Variants in TGFB1 observed in about 807,000 individuals in gnomAD.
TGFB1 encodes the protein transforming growth factor beta 1.
Under a neutral mutation model 43.8 loss-of-function variants are expected in TGFB1, and 19 were observed. The observed-to-expected ratio is 0.43, with a 90% confidence interval of 0.30 to 0.64. The LOEUF (loss-of-function observed/expected upper bound fraction) is 0.64. Ranked by LOEUF, TGFB1 falls within the 30% of genes least tolerant of loss-of-function variation. The pLI is 0.11. For synonymous variants in TGFB1, 221 were observed against 236.3 expected, an observed-to-expected ratio of 0.94 and a Z score of 0.60; for missense variants, 445 against 529.8, an observed-to-expected ratio of 0.84 and a Z score of 1.57.
At chr19:41,351,027 A>G (rs2038185248) in intron 1 of TGFB1, 1 of 152,502 alleles carries the variant, frequency 6.6e-6, no homozygotes, top group South Asian at 2.1e-4. Context: ...ATAGTCGGAG[A>G]GACAAAAACC....
intron 1 of TGFB1, chr19:41,351,301 A>C (rs2038190028): frequency 6.6e-6 from 1 of 152,282 alleles, no homozygotes; most frequent in African/African-American, 2.4e-5. Flanking sequence ...ACCGCCCAAG[A>C]GTCAGTGAAA....
chr19:41,341,248 C>T lies in TGFB1; in HGVS notation c.860+635G>A, dbSNP rs948474190. 8.6e-5 allele frequency among the ~76,000 whole-genome samples: 13 copies of T among 151,826 alleles called. No individual in the cohort carries two copies. The East Asian group carries it at 1.2e-3, about 14-fold the overall frequency. ...TTGGGAGGCTGAGGTGGGTGTATCA[C>T]GAGGTCAGGAGATGGAGACCATCCT... On this transcript the variant is annotated intron_variant, in intron 5 of 6. Coordinates refer to ENST00000221930, the MANE Select transcript of TGFB1 (RefSeq NM_000660.7).
intron 1 of TGFB1, among the ~76,000 whole-genome samples, chr19:41,352,350 C>T (rs1265649691): frequency 6.9e-6 from 1 of 145,754 alleles, no homozygotes; most frequent in Non-Finnish European, 1.5e-5. Context: ...ACGACCCCCC[C>T]CCCCATTCAA....
intron 1 of TGFB1, among the ~76,000 whole-genome samples, chr19:41,349,559 C>A (rs2038158226): frequency 6.6e-6 from 1 of 152,188 alleles, no homozygotes; most frequent in Non-Finnish European, 1.5e-5. Context: ...GAGTTCGAGA[C>A]CAGCCTGGCC....
At chr19:41,343,401 T>G (rs530353533) in intron 3 of TGFB1, among the ~76,000 whole-genome samples, 2 of 152,326 alleles carry the variant, frequency 1.3e-5, no homozygotes, top group East Asian at 3.9e-4. Context: ...CTCAAAGTGC[T>G]GGGATTACAG....
chr19:41,344,593 A>G (rs1392889259), intron 3 of TGFB1, among the ~76,000 whole-genome samples, 154 bp downstream of exon 3: 2 of 152,156 alleles, frequency 1.3e-5, no homozygotes, highest in Admixed American at 1.3e-4. Flanking sequence ...AGATTAGCCA[A>G]TCACTCAGGT....
rs2038142134 is a variant in TGFB1, at chr19:41,348,404, T to C, written c.407A>G (p.Asn136Ser). 5.6e-6 allele frequency: 9 copies of C among 1,613,330 alleles called. No homozygotes were observed. Among genetic ancestry groups the C allele is most frequent in the African/African-American group, 1.3e-5 (1 of 74,942 alleles). ...QSTHSIYMFF[N>S]TSELREAVPE... is the part of the protein sequence containing the mutation. ...TACCGCTTCTCGGAGCTCTGATGTG[T>C]TGAAGAACATATATATGCTGTGTGT... The change falls in exon 2 of 7, where the codon AAC becomes AGC. Residue 136 changes from asparagine (N) to serine (S), a missense_variant. Asn to Ser is a conservative substitution (Grantham distance 46). This residue lies in a region of TGFB1 where 366 missense variants were observed against 428.8 expected (regional missense o/e 0.85). Coordinates refer to ENST00000221930, the MANE Select transcript of TGFB1 (RefSeq NM_000660.7).
rs1035918572 is a variant in TGFB1, at chr19:41,340,349, G to A, written c.860+1534C>T. Among the ~76,000 whole-genome samples the A allele has an allele frequency of 5.4e-5, 8 of 147,872 alleles. No homozygotes were observed. The Admixed American group carries it at 5.5e-4, about 10-fold the overall frequency. On this transcript the variant is annotated intron_variant, in intron 5 of 6. Coordinates refer to ENST00000221930, the MANE Select transcript of TGFB1 (RefSeq NM_000660.7). ...TCGGTTCACTGCAACCTCCACCCCC[G>A]AGGTTCCAGTGATTCTCCTGCCCCA...
chr19:41,352,953 G>A lies in TGFB1; in HGVS notation c.92C>T (p.Ser31Phe). 1 of 1,550,786 alleles carries A rather than the reference G, an allele frequency of 6.4e-7. No individual in the cohort carries two copies. Among genetic ancestry groups the A allele is most frequent in the South Asian group, 1.2e-5 (1 of 84,946 alleles). ...CTCCATGTCGATAGTCTTGCAGGTG[G>A]ATAGTCCCGCGGCCGGCCGGCCAGG... ...LTPGRPAAGLSTCKTIDMELV... is the reference protein window; with the variant it reads ...LTPGRPAAGLFTCKTIDMELV... Residue 31 changes from serine to phenylalanine, a missense_variant, in exon 1 of 7, where the codon TCC becomes TTC. By Grantham distance (155) the Ser-to-Phe change is radical. This residue lies in a region of TGFB1 where 366 missense variants were observed against 428.8 expected (regional missense o/e 0.85). Coordinates refer to ENST00000221930, the MANE Select transcript of TGFB1 (RefSeq NM_000660.7).
chr19:41,336,150 CAT>C (rs2037986081), intron 5 of TGFB1, among the ~76,000 whole-genome samples: 1 of 151,932 alleles, frequency 6.6e-6, no homozygotes, highest in Non-Finnish European at 1.5e-5. Flanking sequence ...CACACACCAC[CAT>C]ACCCAGCTAA....
chr19:41,349,860 T>C (rs2038162838), intron 1 of TGFB1, among the ~76,000 whole-genome samples: 1 of 152,164 alleles, frequency 6.6e-6, no homozygotes, highest in South Asian at 2.1e-4. Context: ...CCTTATACTA[T>C]TATTATACCC....
chr19:41,351,803 A>G (rs2038200033), intron 1 of TGFB1, among the ~76,000 whole-genome samples: 1 of 39,052 alleles, frequency 2.6e-5, no homozygotes, highest in Non-Finnish European at 5.5e-5. Flanking sequence ...CCTGCGGGGA[A>G]TGCAGCGTGG....
At position 41,330,793 on chromosome 19, in the gene TGFB1, C is replaced by T. The variant is rs201075248; in HGVS notation, c.*259G>A. Reference sequence around the variant, plus strand: ...CCACTGGTCCCCTGTGCCTTGATGCCGGGCAAAGGAATAGTGCAGACAGGC... The same window carrying T: ...CCACTGGTCCCCTGTGCCTTGATGCTGGGCAAAGGAATAGTGCAGACAGGC... On this transcript the variant is annotated 3_prime_UTR_variant, in exon 7 of 7. Transcript: ENST00000221930. The T allele has an allele frequency of 2.1e-6, 1 of 467,412 alleles. No individual in the cohort carries two copies. Among genetic ancestry groups the T allele is most frequent in the Non-Finnish European group, 3.8e-6 (1 of 261,906 alleles). The allele number at this position is 467,412 out of a possible 1,614,324, so 29.0% of individuals were successfully genotyped here.
At chr19:41,347,025 C>CTA (rs1370648994) in intron 2 of TGFB1, among the ~76,000 whole-genome samples, 58 of 149,686 alleles carry the variant, frequency 3.9e-4, no homozygotes, top group African/African-American at 7.4e-4. Context: ...CACGCCTGGC[C>CTA]TATATATATA....
At chr19:41,332,378 C>G in intron 5 of TGFB1, 97 bp from the exon 6 acceptor site, 1 of 1,437,324 alleles carries the variant, frequency 7.0e-7, no homozygotes, top group Non-Finnish European at 9.4e-7. Context: ...CCTAGGTTGC[C>G]CCCCCAGCCC....
intron 5 of TGFB1, among the ~76,000 whole-genome samples, chr19:41,334,950 C>T (rs1023803083): frequency 2.0e-5 from 3 of 151,678 alleles, no homozygotes; most frequent in African/African-American, 7.3e-5. Flanking sequence ...AGATCATATG[C>T]ACATGTGTGT....
chr19:41,336,125 A>C (rs565680664), intron 5 of TGFB1, among the ~76,000 whole-genome samples: 1 of 150,500 alleles, frequency 6.6e-6, no homozygotes, highest in African/African-American at 2.4e-5. Flanking sequence ...CCTCCCAAGT[A>C]GCTGGGATTA....
At position 41,352,944 on chromosome 19, in the gene TGFB1, T is replaced by C. The variant is rs1320076021; in HGVS notation, c.101A>G (p.Lys34Arg). ...CTTCACCAGCTCCATGTCGATAGTC[T>C]TGCAGGTGGATAGTCCCGCGGCCGG... ...GRPAAGLSTC[K>R]TIDMELVKRK... The change falls in exon 1 of 7, where the codon AAG (lysine) becomes AGG (arginine). Residue 34 changes from lysine (K) to arginine (R), a missense_variant. Physicochemically the swap from Lys to Arg is conservative, Grantham distance 26. Transcript: ENST00000221930. 1 of 1,553,396 alleles carries C rather than the reference T, an allele frequency of 6.4e-7. No homozygotes were observed. The highest frequency in any genetic ancestry group is 2.4e-5 in the East Asian group (1 of 41,488).
At chr19:41,336,046 A>T (rs1714276630) in intron 5 of TGFB1, among the ~76,000 whole-genome samples, 1 of 141,186 alleles carries the variant, frequency 7.1e-6, no homozygotes, top group Non-Finnish European at 1.5e-5. Context: ...CCCAGGCTGG[A>T]GTGCAGTGGT....
Sources: gnomAD v4.1 joint callset for allele counts (sites outside exome capture counted in the v4.1 genomes callset) on GRCh38, gnomAD v4.1.1 for gene constraint, gnomAD v4.1.1 regional missense constraint, MANE v1.5 for transcripts, NCBI Gene and HGNC (gene_info 2026-07-23, HGNC 2026-07-21) for gene names.